Variants in PEAK1 observed in about 807,000 individuals in gnomAD.
PEAK1 encodes the protein inactive tyrosine-protein kinase PEAK1.
PEAK1 carries 54 observed loss-of-function variants against 124.7 expected under a neutral mutation model. The ratio of observed to expected loss-of-function variants is 0.43; its 90% CI spans 0.35 to 0.54. PEAK1 has a LOEUF of 0.54. Ranked by LOEUF, PEAK1 falls within the 20% of genes least tolerant of loss-of-function variation. The probability of loss-of-function intolerance (pLI) is 0.01; values close to 1 mark genes in which losing one functional copy is unlikely to be tolerated. For missense variants in PEAK1, 2,046 were observed against 2,134.5 expected (o/e 0.96, Z 0.82); for synonymous variants, 719 against 760.0 (o/e 0.95, Z 0.89).
intron 5 of PEAK1, among the ~76,000 whole-genome samples, chr15:77,265,084 C>T (rs549629075): frequency 6.6e-6 from 1 of 152,272 alleles, no homozygotes; most frequent in East Asian, 1.9e-4. Context: ...CCCTTCCTTA[C>T]ACCTTACACA....
intron 7 of PEAK1, chr15:77,178,453 G>C (rs2152815941): frequency 3.1e-6 from 1 of 318,236 alleles, no homozygotes; most frequent in Non-Finnish European, 5.7e-6. Flanking sequence ...ATTTGATCCT[G>C]TTTCTTCCTC....
At chr15:77,263,504 G>C (rs2061550839) in intron 5 of PEAK1, among the ~76,000 whole-genome samples, 1 of 152,032 alleles carries the variant, frequency 6.6e-6, no homozygotes, top group African/African-American at 2.4e-5. Flanking sequence ...AGAAAATCTA[G>C]AATAAATGGA....
chr15:77,356,964 A>G (rs2067557616), intron 2 of PEAK1, among the ~76,000 whole-genome samples: 1 of 152,214 alleles, frequency 6.6e-6, no homozygotes, highest in African/African-American at 2.4e-5. Flanking sequence ...ATACAGAAGT[A>G]AGTTTAAGAA....
chr15:77,405,575 G>C (rs539597739), intron 1 of PEAK1, among the ~76,000 whole-genome samples: 8 of 152,114 alleles, frequency 5.3e-5, no homozygotes, highest in Admixed American at 3.9e-4. Context: ...GAGGGAAATC[G>C]TTGCATATAG....
At chr15:77,281,909 C>T (rs2062695116) in intron 5 of PEAK1, among the ~76,000 whole-genome samples, 1 of 152,108 alleles carries the variant, frequency 6.6e-6, no homozygotes, top group African/African-American at 2.4e-5. Context: ...ATTACCTATA[C>T]TTCTATTTTT....
At chr15:77,216,592 G>A (rs550971880) in intron 6 of PEAK1, among the ~76,000 whole-genome samples, 23 of 152,290 alleles carry the variant, frequency 1.5e-4, no homozygotes, top group Admixed American at 8.5e-4. Flanking sequence ...TTTAAGAAGC[G>A]ACAACACGAT....
intron 2 of PEAK1, among the ~76,000 whole-genome samples, chr15:77,331,601 G>A (rs1033404410): frequency 6.6e-6 from 1 of 151,914 alleles, no homozygotes; most frequent in Non-Finnish European, 1.5e-5. Flanking sequence ...GATCATGAAT[G>A]CTTTTATTTA....
chr15:77,186,633 CAAA>C (rs2057562924), intron 6 of PEAK1, among the ~76,000 whole-genome samples: 2 of 147,994 alleles, frequency 1.4e-5, no homozygotes, highest in African/African-American at 4.9e-5. Flanking sequence ...TAATAAAAAA[CAAA>C]AAACAAAAAA....
chr15:77,416,557 T>C (rs891252999), intron 1 of PEAK1, among the ~76,000 whole-genome samples: 11 of 152,156 alleles, frequency 7.2e-5, no homozygotes, highest in African/African-American at 1.7e-4. Flanking sequence ...TAATTTTTTT[T>C]CCCCACTAAA....
intron 5 of PEAK1, chr15:77,278,647 C>T: frequency 1.9e-6 from 1 of 521,350 alleles, no homozygotes; most frequent in East Asian, 5.3e-5. Flanking sequence ...GAAAAGCTGA[C>T]ACTGGCAAGG....
At chr15:77,276,778 T>A (rs562766183) in intron 5 of PEAK1, among the ~76,000 whole-genome samples, 1 of 152,120 alleles carries the variant, frequency 6.6e-6, no homozygotes, top group East Asian at 1.9e-4. Flanking sequence ...TCAAAATGTA[T>A]GTAAAGAAAA....
chr15:77,311,980 C>G (rs563337597), intron 2 of PEAK1, among the ~76,000 whole-genome samples: 2 of 152,098 alleles, frequency 1.3e-5, no homozygotes, highest in East Asian at 3.9e-4. Flanking sequence ...GGGATGAACA[C>G]TGGGAGTAGG....
intron 6 of PEAK1, among the ~76,000 whole-genome samples, chr15:77,240,805 A>G (rs1028146157): frequency 3.3e-5 from 5 of 152,198 alleles, no homozygotes; most frequent in African/African-American, 1.2e-4. Context: ...TAAGTCTGAC[A>G]CTAATCCTCA....
chr15:77,286,335 G>C (rs1597113497), intron 3 of PEAK1, 88 bp downstream of exon 3: 2 of 697,566 alleles, frequency 2.9e-6, no homozygotes. Flanking sequence ...AAAATTATTA[G>C]ATTTTTGCTG....
intron 1 of PEAK1, among the ~76,000 whole-genome samples, chr15:77,373,505 C>T (rs1180275545): frequency 6.6e-6 from 1 of 152,104 alleles, no homozygotes; most frequent in Non-Finnish European, 1.5e-5. Flanking sequence ...TACTTAAGTA[C>T]GGAAATACTT....
intron 1 of PEAK1, among the ~76,000 whole-genome samples, chr15:77,401,226 G>A (rs946954261): frequency 6.6e-6 from 1 of 152,146 alleles, no homozygotes; most frequent in Admixed American, 6.5e-5. Context: ...GTGTCTTACA[G>A]ATTAATGGTT....
chr15:77,238,607 T>C (rs940713969), intron 6 of PEAK1, among the ~76,000 whole-genome samples: 11 of 152,228 alleles, frequency 7.2e-5, no homozygotes, highest in Non-Finnish European at 1.3e-4. Context: ...CCTATCTTTT[T>C]TGGACTTTAG....
chr15:77,385,500 T>G (rs1047728406), intron 1 of PEAK1, among the ~76,000 whole-genome samples: 4 of 152,188 alleles, frequency 2.6e-5, no homozygotes, highest in Non-Finnish European at 4.4e-5. Flanking sequence ...GGTTGTTAAC[T>G]TCATTGTAAT....
chr15:77,319,857 A>G (rs2065089125), intron 2 of PEAK1, among the ~76,000 whole-genome samples: 1 of 152,066 alleles, frequency 6.6e-6, no homozygotes, highest in African/African-American at 2.4e-5. Context: ...ATCACTATGG[A>G]TGATCTTTTA....
Sources: allele counts gnomAD v4.1 joint callset (sites outside exome capture counted in the v4.1 genomes callset), GRCh38; gene constraint gnomAD v4.1.1; transcripts MANE v1.5; gene names NCBI Gene and HGNC (gene_info 2026-07-23, HGNC 2026-07-21).